Variants in ACACA observed in about 807,000 individuals in gnomAD.
ACACA encodes the protein acetyl-CoA carboxylase alpha.
ACACA carries 103 observed loss-of-function variants against 296.1 expected under a neutral mutation model. That is an observed-to-expected ratio of 0.35 (90% CI 0.30 to 0.41). The LOEUF is 0.41. Among genes scored for constraint, ACACA ranks in the 10% least tolerant of loss-of-function variants. The probability of loss-of-function intolerance (pLI) is 1.00; values close to 1 mark genes in which losing one functional copy is unlikely to be tolerated. For synonymous variants in ACACA, 953 were observed against 1,038.6 expected, an observed-to-expected ratio of 0.92 and a Z score of 1.58; for missense variants, 1,554 against 2,989.7, an observed-to-expected ratio of 0.52 and a Z score of 11.20.
At chr17:37,389,410 G>A in intron 1 of ACACA, 1 of 1,547,580 alleles carries the variant, frequency 6.5e-7, no homozygotes, top group Non-Finnish European at 8.7e-7. Flanking sequence ...AGAAGGTGGG[G>A]TAGGGGCCGG....
chr17:37,228,589 C>A (rs189613605), intron 25 of ACACA, among the ~76,000 whole-genome samples: 3 of 152,094 alleles, frequency 2.0e-5, no homozygotes, highest in African/African-American at 7.2e-5. Context: ...AGAAACAGGA[C>A]CATAGAAAGA....
intron 35 of ACACA, among the ~76,000 whole-genome samples, chr17:37,196,821 TTTC>T (rs1252337827): frequency 6.6e-6 from 1 of 152,184 alleles, no homozygotes; most frequent in African/African-American, 2.4e-5. Context: ...TTTGATCTTT[TTTC>T]TTTTTTTTAA....
chr17:37,246,775 C>A (rs1318076931), intron 19 of ACACA, 51 bp downstream of exon 19: 1 of 1,607,396 alleles, frequency 6.2e-7, no homozygotes, highest in Non-Finnish European at 8.5e-7. Context: ...CCAGCCGACC[C>A]TTTTCCTACC....
intron 9 of ACACA, among the ~76,000 whole-genome samples, chr17:37,273,822 T>C (rs1013614258): frequency 1.3e-5 from 2 of 152,168 alleles, no homozygotes; most frequent in Non-Finnish European, 2.9e-5. Flanking sequence ...ATTCAACCAG[T>C]AGAAAAAGTA....
intron 25 of ACACA, among the ~76,000 whole-genome samples, chr17:37,233,442 A>G (rs534054660): frequency 6.6e-6 from 1 of 152,354 alleles, no homozygotes; most frequent in Non-Finnish European, 1.5e-5. Flanking sequence ...AGTCTTGGAC[A>G]ATCATTACTC....
intron 1 of ACACA, among the ~76,000 whole-genome samples, chr17:37,382,840 C>G (rs778791843): frequency 6.6e-6 from 1 of 151,978 alleles, no homozygotes; most frequent in Non-Finnish European, 1.5e-5. Context: ...AGCCTGGCGA[C>G]AGAGCGAGAC....
intron 52 of ACACA, among the ~76,000 whole-genome samples, chr17:37,099,714 G>A (rs2073248510): frequency 6.6e-6 from 1 of 152,082 alleles, no homozygotes; most frequent in African/African-American, 2.4e-5. Context: ...GAGGGATGGA[G>A]GGCTGGCTGG....
chr17:37,329,299 T>C (rs539510196), intron 3 of ACACA, among the ~76,000 whole-genome samples: 2 of 152,324 alleles, frequency 1.3e-5, no homozygotes, highest in East Asian at 1.9e-4. Flanking sequence ...CAAAAACTGA[T>C]GTTCCTCAAC....
intron 1 of ACACA, among the ~76,000 whole-genome samples, chr17:37,349,247 G>C (rs1021093492): frequency 6.6e-6 from 1 of 150,540 alleles, no homozygotes; most frequent in African/African-American, 2.4e-5. Context: ...TTTTAGTAGA[G>C]ATGAGGTTTT....
At chr17:37,307,597 G>C (rs2083941094) in intron 3 of ACACA, among the ~76,000 whole-genome samples, 1 of 151,630 alleles carries the variant, frequency 6.6e-6, no homozygotes, top group Non-Finnish European at 1.5e-5. Context: ...GTTTTGTTTT[G>C]TTTTGCTTTG....
At chr17:37,312,696 T>A (rs140847166) in intron 3 of ACACA, among the ~76,000 whole-genome samples, 1 of 152,086 alleles carries the variant, frequency 6.6e-6, no homozygotes, top group Non-Finnish European at 1.5e-5. Context: ...CTAGAGATAA[T>A]GAACACCTAC....
intron 1 of ACACA, among the ~76,000 whole-genome samples, chr17:37,386,649 C>T (rs1217996551): frequency 6.6e-6 from 1 of 152,114 alleles, no homozygotes. Context: ...TGTAATTTGA[C>T]ACCATCAATG....
chr17:37,370,667 G>GTAAATAAA (rs372775724), intron 1 of ACACA, among the ~76,000 whole-genome samples: 127 of 148,836 alleles, frequency 8.5e-4, no homozygotes, highest in African/African-American at 3.0e-3. Context: ...CAAAAATAAT[G>GTAAATAAA]TAAATAAATA....
intron 11 of ACACA, among the ~76,000 whole-genome samples, chr17:37,263,391 A>C (rs2081604153): frequency 6.6e-6 from 1 of 152,208 alleles, no homozygotes. Flanking sequence ...CCTCTTAAAA[A>C]AATCAATCAT....
intron 33 of ACACA, among the ~76,000 whole-genome samples, chr17:37,205,293 A>G (rs952362181): frequency 4.0e-4 from 61 of 152,278 alleles, no homozygotes; most frequent in African/African-American, 1.4e-3. Flanking sequence ...GTGAAGCAAA[A>G]TGATGGAAAA....
chr17:37,342,173 T>C (rs944749176), intron 1 of ACACA, among the ~76,000 whole-genome samples: 4 of 151,630 alleles, frequency 2.6e-5, no homozygotes, highest in Admixed American at 6.6e-5. Context: ...CTTTGGGAGA[T>C]GAAGACGGGC....
intron 2 of ACACA, among the ~76,000 whole-genome samples, chr17:37,332,898 A>C (rs1293794758): frequency 1.3e-5 from 2 of 148,192 alleles, no homozygotes; most frequent in African/African-American, 5.0e-5. Flanking sequence ...TGACAGAGTG[A>C]GACTCTGTCT....
rs1485948413 is a variant in ACACA at position 37,274,311 on chromosome 17, A to G, written c.902-12T>C. 8.7e-6 allele frequency: 14 copies of G among 1,601,760 alleles called. No homozygotes were observed. Among genetic ancestry groups the G allele is most frequent in the Non-Finnish European group, 1.2e-5 (14 of 1,168,760 alleles). ...GTCCACACGAAGACCTGCAACAGAC[A>G]ATAGCAACTTAGGGCAATTACAAGA... On this transcript the variant is annotated splice_polypyrimidine_tract_variant and intron_variant, in intron 8 of 55. Transcript: ENST00000616317.
At chr17:37,247,983 A>G (rs2146036620) in intron 18 of ACACA, 28 bp downstream of exon 18, 1 of 1,613,796 alleles carries the variant, frequency 6.2e-7, no homozygotes, top group Non-Finnish European at 8.5e-7. Context: ...CAGGATGACC[A>G]GCAAATGGAC....
Sources: allele counts gnomAD v4.1 joint callset (sites outside exome capture counted in the v4.1 genomes callset), GRCh38; gene constraint gnomAD v4.1.1; transcripts MANE v1.5; gene names NCBI Gene and HGNC (gene_info 2026-07-23, HGNC 2026-07-21).